GARIN2: variants seen among roughly 807,000 people sequenced by gnomAD.
GARIN2 encodes the protein Golgi-associated RAB2 interactor protein 2.
At chr14:67,201,509 G>A in the GARIN2 span, 1 of 455,950 alleles carries the variant, frequency 2.2e-6, no homozygotes, top group Non-Finnish European at 4.4e-6. Context: ...TCATCCTGGT[G>A]GCTCTGTCTC....
chr14:67,226,403 C>G, the GARIN2 span, among the ~76,000 whole-genome samples: 1 of 152,086 alleles, frequency 6.6e-6, no homozygotes, highest in African/African-American at 2.4e-5. Context: ...GCTCTGTCAC[C>G]AGGCTGGAGT....
chr14:67,197,652 A>G, the GARIN2 span, among the ~76,000 whole-genome samples: 1 of 152,154 alleles, frequency 6.6e-6, no homozygotes, highest in Non-Finnish European at 1.5e-5. Flanking sequence ...AATAGTCTGG[A>G]AAAAGTGTTC....
the GARIN2 span, chr14:67,224,559 C>T: frequency 1.4e-4 from 29 of 208,978 alleles, no homozygotes; most frequent in Non-Finnish European, 6.8e-5. Flanking sequence ...TGTGCCCGGC[C>T]CCATTTCTCT....
At chr14:67,222,853 GA>G in the GARIN2 span, among the ~76,000 whole-genome samples, 10 of 147,772 alleles carry the variant, frequency 6.8e-5, no homozygotes, top group South Asian at 2.1e-4. Context: ...TAAGTGAAGA[GA>G]AAAAAAAAAT....
At chr14:67,211,137 G>A in the GARIN2 span, among the ~76,000 whole-genome samples, 2 of 152,070 alleles carry the variant, frequency 1.3e-5, no homozygotes, top group African/African-American at 4.8e-5. Flanking sequence ...TTGTAACATG[G>A]GGATACTATC....
At chr14:67,200,230 C>G in the GARIN2 span, 7 of 1,006,414 alleles carry the variant, frequency 7.0e-6, no homozygotes, top group East Asian at 1.9e-4. Context: ...CCTCCACAAC[C>G]CACACCCTAT....
the GARIN2 span, chr14:67,198,144 T>A: frequency 6.2e-7 from 1 of 1,600,138 alleles, no homozygotes; most frequent in African/African-American, 1.3e-5. Context: ...AGTTTTTTTA[T>A]GTTTATGTGC....
chr14:67,197,717 C>T, the GARIN2 span, among the ~76,000 whole-genome samples: 1 of 152,072 alleles, frequency 6.6e-6, no homozygotes, highest in Non-Finnish European at 1.5e-5. Flanking sequence ...GAGAATCCTG[C>T]ATGATGAAGA....
the GARIN2 span, among the ~76,000 whole-genome samples, chr14:67,211,530 G>A: frequency 1.3e-5 from 2 of 152,168 alleles, no homozygotes; most frequent in African/African-American, 4.8e-5. Context: ...GACCATATTC[G>A]AATGTATGAG....
chr14:67,224,837 A>C, the GARIN2 span: 1 of 298,230 alleles, frequency 3.4e-6, no homozygotes, highest in Non-Finnish European at 6.2e-6. Flanking sequence ...AATCCTAAGC[A>C]GCCAGGTTCA....
At chr14:67,224,186 A>G in the GARIN2 span, among the ~76,000 whole-genome samples, 12 of 151,866 alleles carry the variant, frequency 7.9e-5, no homozygotes, top group South Asian at 2.5e-3. Flanking sequence ...CACTGTTTTT[A>G]TGACAACTTT....
the GARIN2 span, among the ~76,000 whole-genome samples, chr14:67,226,384 C>A: frequency 3.0e-4 from 45 of 148,048 alleles, no homozygotes; most frequent in Non-Finnish European, 4.9e-4. Flanking sequence ...TTTTTTGAGA[C>A]GGAGTCTCGC....
chr14:67,212,589 G>GAAAA, the GARIN2 span, among the ~76,000 whole-genome samples: 7 of 100,332 alleles, frequency 7.0e-5, no homozygotes, highest in African/African-American at 2.5e-4. Context: ...AGACCCTGTT[G>GAAAA]AAAAAAAAAA....
At chr14:67,199,428 T>G in the GARIN2 span, 1 of 1,613,510 alleles carries the variant, frequency 6.2e-7, no homozygotes, top group South Asian at 1.1e-5. Flanking sequence ...TTCAGCGCCT[T>G]TGGGGTCATC....
At chr14:67,191,297 T>C in the GARIN2 span, among the ~76,000 whole-genome samples, 3 of 152,122 alleles carry the variant, frequency 2.0e-5, no homozygotes, top group Non-Finnish European at 4.4e-5. Flanking sequence ...AGAATCCAGG[T>C]AGTTGGTTTC....
the GARIN2 span, among the ~76,000 whole-genome samples, chr14:67,215,655 T>G: frequency 6.6e-6 from 1 of 152,090 alleles, no homozygotes; most frequent in Admixed American, 6.6e-5. Context: ...AAAACATACC[T>G]TTCACTACAA....
the GARIN2 span, chr14:67,208,268 G>C: frequency 1.2e-6 from 2 of 1,614,024 alleles, no homozygotes; most frequent in South Asian, 1.1e-5. Context: ...TGAGTTGAAA[G>C]AATCCTCAAA....
chr14:67,208,197 T>C, the GARIN2 span: 1 of 1,612,376 alleles, frequency 6.2e-7, no homozygotes. Context: ...TTTTTATTTT[T>C]AAAGGAAAAA....
the GARIN2 span, chr14:67,204,832 A>C: frequency 6.2e-7 from 1 of 1,614,018 alleles, no homozygotes; most frequent in South Asian, 1.1e-5. Context: ...GACCCCGTAC[A>C]TGTATGCAGG....
Sources: gnomAD v4.1 joint callset for allele counts (sites outside exome capture counted in the v4.1 genomes callset) on GRCh38, gnomAD v4.1.1 for gene constraint, MANE v1.5 for transcripts, NCBI Gene and HGNC (gene_info 2026-07-23, HGNC 2026-07-21) for gene names.